GPR4: variants seen among roughly 807,000 people sequenced by gnomAD.
GPR4 encodes G protein-coupled receptor 4.
A neutral mutation model predicts 17.8 loss-of-function variants in GPR4; 11 were observed. The observed-to-expected ratio is 0.62, with a 90% confidence interval of 0.39 to 1.02. The LOEUF (loss-of-function observed/expected upper bound fraction) is 1.02, where lower values mean the gene tolerates loss of function less well. Ranked by LOEUF, GPR4 falls within the 50% of genes least tolerant of loss-of-function variation. GPR4 has a pLI of 0.00. For missense variants in GPR4, 364 were observed against 495.4 expected (o/e 0.73, Z 2.52); for synonymous variants, 219 against 222.8 (o/e 0.98, Z 0.15).
At chr19:45,594,063 A>AAAAAATAT (rs1376607021) in intron 1 of GPR4, among the ~76,000 whole-genome samples, 6 of 36,244 alleles carry the variant, frequency 1.7e-4, no homozygotes, top group Non-Finnish European at 2.7e-4. Context: ...AAAAAAAAAA[A>AAAAAATAT]ATATATATAT....
intron 1 of GPR4, among the ~76,000 whole-genome samples, chr19:45,599,482 G>A (rs764328557): frequency 6.7e-6 from 1 of 149,956 alleles, no homozygotes; most frequent in Non-Finnish European, 1.5e-5. Flanking sequence ...GCTCCGGTCT[G>A]CTCATTAGGG....
chr19:45,601,996 A>G, intron 1 of GPR4, 99 bp downstream of exon 1: 1 of 152,538 alleles, frequency 6.6e-6, no homozygotes, highest in Non-Finnish European at 1.5e-5. Flanking sequence ...AGACTGAGGC[A>G]GCCCCCGAGG....
At chr19:45,601,296 G>A (rs1047240170) in intron 1 of GPR4, among the ~76,000 whole-genome samples, 1 of 152,204 alleles carries the variant, frequency 6.6e-6, no homozygotes. Context: ...CCAGTTCCAG[G>A]GGGGAGAGTG....
In GPR4 at chr19:45,591,967, G is replaced by A; in HGVS notation, c.-101C>T. The A allele has an allele frequency of 7.8e-7, 1 of 1,290,212 alleles. No homozygotes were observed. Among genetic ancestry groups the A allele is most frequent in the Non-Finnish European group, 1.1e-6 (1 of 943,854 alleles). 79.9% of individuals were successfully genotyped at this position (1,290,212 alleles called of 1,614,324 possible). On this transcript the variant is annotated 5_prime_UTR_variant, in exon 2 of 2. Transcript: ENST00000323040. The surrounding 1 kb of genome is among the most constrained non-coding windows in gnomAD (Gnocchi z 7.6). Reference sequence around the variant, plus strand: ...GGGCCCCCTGAGCCCCTTCCTTGGAGGCTCAGGGGAACATGGTGGGATGTG... The same window carrying A: ...GGGCCCCCTGAGCCCCTTCCTTGGAAGCTCAGGGGAACATGGTGGGATGTG...
intron 1 of GPR4, among the ~76,000 whole-genome samples, chr19:45,593,200 A>C (rs1167424380): frequency 6.7e-6 from 1 of 148,812 alleles, no homozygotes; most frequent in Non-Finnish European, 1.5e-5. Context: ...CCTGTCTCAA[A>C]AAAAAAAAAA....
chr19:45,595,454 G>A (rs947314994), intron 1 of GPR4, among the ~76,000 whole-genome samples: 58 of 152,144 alleles, frequency 3.8e-4, no homozygotes, highest in Admixed American at 3.4e-3. Context: ...GGAGCATGGG[G>A]AAGCCCTGGG....
At chr19:45,594,707 G>T (rs1423782219) in intron 1 of GPR4, among the ~76,000 whole-genome samples, 1 of 152,090 alleles carries the variant, frequency 6.6e-6, no homozygotes, top group African/African-American at 2.4e-5. Context: ...GACAGGCCAG[G>T]CACAGTGGCT....
rs1015101108 is a variant in GPR4, at chr19:45,592,016, G to A, written c.-150C>T. The A allele has an allele frequency of 1.6e-4, 126 of 789,964 alleles. No homozygotes were observed. Among genetic ancestry groups the A allele is most frequent in the Non-Finnish European group, 2.4e-4 (122 of 518,524 alleles). 48.9% of individuals were successfully genotyped at this position (789,964 alleles called of 1,614,324 possible). A position where few individuals can be genotyped will look rare whatever the true frequency, so the allele number is the denominator to read the frequency against. On this transcript the variant is annotated 5_prime_UTR_variant, in exon 2 of 2. Coordinates refer to ENST00000323040, the MANE Select transcript of GPR4 (RefSeq NM_005282.3). ...TGGTCTACAGGGAAGAGATGAGGTT[G>A]GGTAGGCTGGGCTGGGCTGGGAAGG... is the stretch of plus-strand genomic sequence containing the variant.
intron 1 of GPR4, among the ~76,000 whole-genome samples, chr19:45,594,078 A>ATATATATATATATATATATATTT (rs1411133593): frequency 0.01 from 743 of 73,704 alleles, 10 homozygotes; most frequent in South Asian, 0.014. Flanking sequence ...ATATATATAT[A>ATATATATATATATATATATATTT]TATATATATA....
At chr19:45,598,414 G>A (rs1015223170) in intron 1 of GPR4, among the ~76,000 whole-genome samples, 2 of 151,800 alleles carry the variant, frequency 1.3e-5, no homozygotes, top group African/African-American at 2.4e-5. Context: ...TCGGGTACCC[G>A]GGCAGGAGAC....
intron 1 of GPR4, among the ~76,000 whole-genome samples, chr19:45,594,071 T>A (rs868527624): frequency 0.017 from 1,363 of 81,444 alleles, 29 homozygotes; most frequent in East Asian, 0.09. Context: ...AAAATATATA[T>A]ATATATATAT....
chr19:45,591,332 C>T lies in GPR4; in HGVS notation c.535G>A (p.Ala179Thr), dbSNP rs750344560. Residue 179 changes from alanine (A) to threonine (T), a missense_variant, in exon 2 of 2, where the codon GCC becomes ACC. This residue lies in a region of GPR4 where 271 missense variants were observed against 373.1 expected (regional missense o/e 0.73). Transcript: ENST00000323040. The surrounding 1 kb of genome is among the most constrained non-coding windows in gnomAD (Gnocchi z 7.6). ...AACACCCGATAGAGGTTCATCCAGG[C>T]CACCCAGCCTTCCATGGGGAACTTC... is the stretch of plus-strand genomic sequence containing the variant. The part of the protein sequence containing the change: ...FEKFPMEGWV[A>T]WMNLYRVFVG... 2.5e-6 allele frequency: 4 copies of T among 1,612,754 alleles called. No homozygotes were observed. In the African/African-American group the frequency reaches 5.3e-5, roughly 22 times the overall value.
chr19:45,594,801 G>C (rs1970040997), intron 1 of GPR4, among the ~76,000 whole-genome samples: 1 of 66,334 alleles, frequency 1.5e-5, no homozygotes. Flanking sequence ...TGGCCAACAT[G>C]GTGAAACCCT....
In GPR4 at chr19:45,592,083, T is replaced by C. The variant is rs761791889; in HGVS notation, c.-217A>G. On this transcript the variant is annotated 5_prime_UTR_variant, in exon 2 of 2. Coordinates refer to ENST00000323040, the MANE Select transcript of GPR4 (RefSeq NM_005282.3). ...AAAAGTTGGAGGAGGGATGGAATTA[T>C]GACAGGAGGGAAGTCTGGAGGATGG... The C allele has an allele frequency of 4.4e-5, 22 of 501,488 alleles. No individual in the cohort carries two copies. Among genetic ancestry groups the C allele is most frequent in the Non-Finnish European group, 7.6e-5 (21 of 276,350 alleles). The allele number at this position is 501,488 out of a possible 1,614,324, so 31.1% of individuals were successfully genotyped here.
At chr19:45,598,413 C>T (rs1425566555) in intron 1 of GPR4, among the ~76,000 whole-genome samples, 14 of 152,036 alleles carry the variant, frequency 9.2e-5, no homozygotes, top group East Asian at 5.8e-4. Context: ...CTCGGGTACC[C>T]GGGCAGGAGA....
chr19:45,600,579 G>A (rs909100527), intron 1 of GPR4, among the ~76,000 whole-genome samples: 3 of 152,046 alleles, frequency 2.0e-5, no homozygotes, highest in East Asian at 1.9e-4. Context: ...AAATTAATCC[G>A]ACTTAGTGGT....
Position 45,592,140 on chromosome 19 carries a change from T to A in GPR4, c.-274A>T. 1 of 400,364 alleles carries A rather than the reference T, an allele frequency of 2.5e-6. No homozygotes were observed. The highest frequency in any genetic ancestry group is 4.7e-6 in the Non-Finnish European group (1 of 212,888). The allele number at this position is 400,364 out of a possible 1,614,324, so 24.8% of individuals were successfully genotyped here. On this transcript the variant is annotated 5_prime_UTR_variant, in exon 2 of 2. Transcript: ENST00000323040. Reference sequence around the variant, plus strand: ...TAATAAAGAGGTTTTTCAAGGAGGTTATGTATGGAGTCAGTGTGTCAACGA... The same window carrying A: ...TAATAAAGAGGTTTTTCAAGGAGGTAATGTATGGAGTCAGTGTGTCAACGA...
In GPR4 at chr19:45,591,823, A is replaced by T; in HGVS notation, c.44T>A (p.Val15Glu). 1 of 1,592,374 alleles carries T rather than the reference A, an allele frequency of 6.3e-7. No homozygotes were observed. The highest frequency in any genetic ancestry group is 1.3e-5 in the African/African-American group (1 of 74,662). Residue 15 changes from valine to glutamate, a missense_variant, in exon 2 of 2, where the codon GTG becomes GAG. Val to Glu is a moderately radical substitution (Grantham distance 121). Coordinates refer to ENST00000323040, the MANE Select transcript of GPR4 (RefSeq NM_005282.3). The surrounding 1 kb of genome is among the most constrained non-coding windows in gnomAD (Gnocchi z 7.6). ...GAGGGATGGCGGAAAGAGGTGGTCC[A>T]CGCGCGAGTCCACGTGGCAGCCCTC... The part of the protein sequence containing the change: ...TWEGCHVDSR[V>E]DHLFPPSLYI...
Position 45,590,671 on chromosome 19 carries a change from T to C in GPR4, c.*107A>G, listed in dbSNP as rs886403167. The C allele has an allele frequency of 1.6e-5, 21 of 1,350,220 alleles. No homozygotes were observed. The highest frequency in any genetic ancestry group is 2.0e-5 in the Non-Finnish European group (20 of 992,298). 83.6% of individuals were successfully genotyped at this position (1,350,220 alleles called of 1,614,324 possible). On this transcript the variant is annotated 3_prime_UTR_variant, in exon 2 of 2. Coordinates refer to ENST00000323040, the MANE Select transcript of GPR4 (RefSeq NM_005282.3). ...CTCTTCCTAAGTTCTTGTATTCTTA[T>C]GAATATTAACACAGCCCTTTTTCCA...
Sources: gnomAD v4.1 joint callset for allele counts (sites outside exome capture counted in the v4.1 genomes callset) on GRCh38, gnomAD v4.1.1 for gene constraint, gnomAD v4.1.1 regional missense constraint, Gnocchi (gnomAD v3.1) non-coding constraint, MANE v1.5 for transcripts, NCBI Gene and HGNC (gene_info 2026-07-23, HGNC 2026-07-21) for gene names.